The following TBL1XR1 variants were observed in gnomAD, a reference collection of about 807,000 sequenced individuals.
The protein encoded by TBL1XR1 is F-box-like/WD repeat-containing protein TBL1XR1.
Under a neutral mutation model 66.9 loss-of-function variants are expected in TBL1XR1, and 5 were observed. The observed-to-expected ratio is 0.07, with a 90% CI of 0.04 to 0.16. The LOEUF (loss-of-function observed/expected upper bound fraction) is 0.16, where lower values mean the gene tolerates loss of function less well. Ranked by LOEUF, TBL1XR1 falls within the 10% of genes least tolerant of loss-of-function variation. The pLI, the probability that TBL1XR1 is intolerant of heterozygous loss-of-function variation, is 1.00. For synonymous variants in TBL1XR1, 210 were observed against 206.0 expected (o/e 1.02, Z -0.17); for missense variants, 238 against 623.2 (o/e 0.38, Z 6.58).
At chr3:177,073,404 A>G (rs1459524056) in intron 2 of TBL1XR1, among the ~76,000 whole-genome samples, 2 of 152,234 alleles carry the variant, frequency 1.3e-5, no homozygotes, top group African/African-American at 4.8e-5. Flanking sequence ...TATACTTAAT[A>G]AACAAAAAAG....
chr3:177,181,862 G>T (rs1423580498), intron 1 of TBL1XR1, among the ~76,000 whole-genome samples: 1 of 150,748 alleles, frequency 6.6e-6, no homozygotes, highest in East Asian at 1.9e-4. Context: ...AGGGTCTAAA[G>T]AGACTGCAGA....
At chr3:177,108,419 A>T (rs1725144621) in intron 1 of TBL1XR1, among the ~76,000 whole-genome samples, 1 of 152,204 alleles carries the variant, frequency 6.6e-6, no homozygotes, top group Non-Finnish European at 1.5e-5. Flanking sequence ...TGTTCTGTTT[A>T]AAAACTCAGC....
intron 1 of TBL1XR1, among the ~76,000 whole-genome samples, chr3:177,159,559 T>C (rs553672286): frequency 2.6e-5 from 4 of 152,352 alleles, no homozygotes; most frequent in African/African-American, 9.6e-5. Flanking sequence ...TGAGTTTTTA[T>C]ATCCATTCTC....
At chr3:177,174,006 C>T (rs1733862145) in intron 1 of TBL1XR1, among the ~76,000 whole-genome samples, 1 of 152,084 alleles carries the variant, frequency 6.6e-6, no homozygotes, top group African/African-American at 2.4e-5. Flanking sequence ...AGGGACTAAT[C>T]CGAAATTCAA....
chr3:177,102,197 CATTT>C (rs1053469333), intron 1 of TBL1XR1, among the ~76,000 whole-genome samples: 1 of 152,096 alleles, frequency 6.6e-6, no homozygotes, highest in African/African-American at 2.4e-5. Flanking sequence ...TTCATTCATT[CATTT>C]AACTTTTCCT....
chr3:177,140,223 C>T (rs1437127453), intron 1 of TBL1XR1, among the ~76,000 whole-genome samples: 1 of 152,188 alleles, frequency 6.6e-6, no homozygotes, highest in Non-Finnish European at 1.5e-5. Flanking sequence ...ATCGCTTGAA[C>T]CCGGAGGCGG....
chr3:177,172,116 C>T (rs948400763), intron 1 of TBL1XR1, among the ~76,000 whole-genome samples: 4 of 152,008 alleles, frequency 2.6e-5, no homozygotes, highest in Non-Finnish European at 5.9e-5. Context: ...AAAAAATTAG[C>T]TGGGCATGGT....
At chr3:177,160,682 A>C (rs1732085240) in intron 1 of TBL1XR1, among the ~76,000 whole-genome samples, 1 of 152,044 alleles carries the variant, frequency 6.6e-6, no homozygotes, top group South Asian at 2.1e-4. Flanking sequence ...CCTAAATCAT[A>C]AAACATGTTT....
chr3:177,184,630 C>T (rs973453607), intron 1 of TBL1XR1, among the ~76,000 whole-genome samples: 11 of 152,022 alleles, frequency 7.2e-5, no homozygotes, highest in African/African-American at 2.7e-4. Context: ...GGTGAAATCC[C>T]GTCTCTACTA....
In TBL1XR1 at chr3:177,094,703, G is replaced by A. The variant is rs140429991; in HGVS notation, c.-46+3763C>T. 7.9e-5 allele frequency among the ~76,000 whole-genome samples: 12 copies of A among 152,296 alleles called. 1 individual carries two copies. In the East Asian group the frequency reaches 1.4e-3, roughly 17 times the overall value. ...GGAATGAGAGACCATTATTCTAAGT[G>A]AAGTAACTCAGGAATGGAAAACCAT... is the stretch of plus-strand genomic sequence containing the variant. On this transcript the variant is annotated intron_variant, in intron 2 of 15. Transcript: ENST00000457928.
At chr3:177,141,200 T>C (rs1408346875) in intron 1 of TBL1XR1, among the ~76,000 whole-genome samples, 1 of 152,210 alleles carries the variant, frequency 6.6e-6, no homozygotes. Context: ...TGGCTGCCTC[T>C]AGAAAGCTTG....
At chr3:177,180,196 C>G (rs999770186) in intron 1 of TBL1XR1, among the ~76,000 whole-genome samples, 3 of 133,058 alleles carry the variant, frequency 2.3e-5, no homozygotes, top group Non-Finnish European at 4.6e-5. Context: ...GAGATCGTGT[C>G]ACTGCACTCC....
At position 177,076,616 on chromosome 3, in the gene TBL1XR1, C is replaced by T. The variant is rs78788596; in HGVS notation, c.-45-11594G>A. Among the ~76,000 whole-genome samples, 65 of 152,242 alleles carry T rather than the reference C, an allele frequency of 4.3e-4. 1 individual carries two copies. The highest frequency in any genetic ancestry group is 1.5e-3 in the African/African-American group (61 of 41,536). On this transcript the variant is annotated intron_variant, in intron 2 of 15. Coordinates refer to ENST00000457928, the MANE Select transcript of TBL1XR1 (RefSeq NM_024665.7). ...ACAAATACAGATTCCATCATTTGCC[C>T]CTTCCATGCTGTAGAAGACAGGTAC... is the stretch of plus-strand genomic sequence containing the variant.
In TBL1XR1 at chr3:177,050,704, C is replaced by T. The variant is rs372101396; in HGVS notation, c.428-94G>A. On this transcript the variant is annotated intron_variant, in intron 5 of 15. Coordinates refer to ENST00000457928, the MANE Select transcript of TBL1XR1 (RefSeq NM_024665.7). ...TTAACTAGCAAATACCTTCCTTTATCGCACACAGTGTAACATTTTTCAATT... is the reference window on the plus strand; with the variant it reads ...TTAACTAGCAAATACCTTCCTTTATTGCACACAGTGTAACATTTTTCAATT... 30 of 1,380,604 alleles carry T rather than the reference C, an allele frequency of 2.2e-5. No individual in the cohort carries two copies. The African/African-American group carries it at 3.8e-4, about 18-fold the overall frequency. 85.5% of individuals were successfully genotyped at this position (1,380,604 alleles called of 1,614,324 possible).
intron 2 of TBL1XR1, among the ~76,000 whole-genome samples, chr3:177,071,675 C>T (rs1338018159): frequency 2.6e-5 from 4 of 152,048 alleles, no homozygotes; most frequent in African/African-American, 4.8e-5. Flanking sequence ...CGAGTGAAGA[C>T]GATGCAAACT....
intron 1 of TBL1XR1, among the ~76,000 whole-genome samples, chr3:177,161,794 A>G (rs1732247782): frequency 6.6e-6 from 1 of 152,102 alleles, no homozygotes; most frequent in African/African-American, 2.4e-5. Context: ...AAAAAAAAAA[A>G]AAAAATCTAA....
intron 1 of TBL1XR1, among the ~76,000 whole-genome samples, chr3:177,122,937 A>T (rs779831257): frequency 6.6e-6 from 1 of 152,172 alleles, no homozygotes; most frequent in Non-Finnish European, 1.5e-5. Flanking sequence ...AAATTCAAGT[A>T]ATAGAACTGT....
intron 2 of TBL1XR1, among the ~76,000 whole-genome samples, chr3:177,073,793 C>T (rs983801548): frequency 3.9e-5 from 6 of 152,118 alleles, no homozygotes; most frequent in Admixed American, 6.5e-5. Context: ...GCAGTAAAGG[C>T]GCACTGCTCC....
chr3:177,199,838 G>A (rs1737306933), upstream of TBL1XR1, among the ~76,000 whole-genome samples: 1 of 152,118 alleles, frequency 6.6e-6, no homozygotes, highest in Non-Finnish European at 1.5e-5. Context: ...TAGTTTACAA[G>A]ACATTTCTGT....
Sources: gnomAD v4.1 joint callset for allele counts (sites outside exome capture counted in the v4.1 genomes callset) on GRCh38, gnomAD v4.1.1 for gene constraint, MANE v1.5 for transcripts, NCBI Gene and HGNC (gene_info 2026-07-23, HGNC 2026-07-21) for gene names.